JAZF1: variants seen among roughly 807,000 people sequenced by gnomAD.
JAZF1 encodes JAZF zinc finger 1.
Under a neutral mutation model 26.4 loss-of-function variants are expected in JAZF1, and 8 were observed. That is an observed-to-expected ratio of 0.30 (90% CI 0.18 to 0.55). The LOEUF (loss-of-function observed/expected upper bound fraction) is 0.55. Ranked by LOEUF, JAZF1 falls within the 20% of genes least tolerant of loss-of-function variation. JAZF1 has a pLI of 0.94. For synonymous variants in JAZF1, 126 were observed against 122.3 expected, an observed-to-expected ratio of 1.03 and a Z score of -0.20; for missense variants, 199 against 322.0, an observed-to-expected ratio of 0.62 and a Z score of 2.92.
At chr7:28,120,947 C>G (rs1479546262) in intron 1 of JAZF1, among the ~76,000 whole-genome samples, 1 of 152,100 alleles carries the variant, frequency 6.6e-6, no homozygotes, top group Admixed American at 6.6e-5. Flanking sequence ...CACCTGTAAT[C>G]CCAGTACTTT....
intron 1 of JAZF1, among the ~76,000 whole-genome samples, chr7:28,017,484 G>A (rs17156196): frequency 0.047 from 7,101 of 152,024 alleles, 266 homozygotes; most frequent in African/African-American, 0.098. Flanking sequence ...TACTGTCGCC[G>A]TTCAACCAAT....
chr7:27,982,781 G>A (rs1399661226), intron 2 of JAZF1, among the ~76,000 whole-genome samples: 2 of 152,160 alleles, frequency 1.3e-5, no homozygotes, highest in Non-Finnish European at 2.9e-5. Context: ...CTGTCGTCCT[G>A]CAATATTTGC....
intron 4 of JAZF1, among the ~76,000 whole-genome samples, chr7:27,834,555 C>G (rs1782769357): frequency 6.6e-6 from 1 of 152,232 alleles, no homozygotes; most frequent in South Asian, 2.1e-4. Context: ...TAAGGTACTT[C>G]AGTCTTGTTA....
intron 3 of JAZF1, among the ~76,000 whole-genome samples, chr7:27,889,586 T>C (rs951436581): frequency 6.6e-6 from 1 of 152,230 alleles, no homozygotes; most frequent in African/African-American, 2.4e-5. Flanking sequence ...TTCATCTTCC[T>C]ATCATATTAA....
intron 1 of JAZF1, among the ~76,000 whole-genome samples, chr7:28,021,039 G>A (rs1207276233): frequency 6.6e-6 from 1 of 152,168 alleles, no homozygotes; most frequent in Admixed American, 6.5e-5. Context: ...ATCCCAGATG[G>A]TCCTGAGTGC....
chr7:28,049,050 C>A (rs1181688604), intron 1 of JAZF1, among the ~76,000 whole-genome samples: 1 of 115,872 alleles, frequency 8.6e-6, no homozygotes, highest in African/African-American at 3.5e-5. Context: ...CCCTCCCTCC[C>A]CTCCCCTCCC....
intron 2 of JAZF1, among the ~76,000 whole-genome samples, chr7:27,976,815 G>A (rs1468380185): frequency 6.6e-6 from 1 of 152,128 alleles, no homozygotes; most frequent in Admixed American, 6.5e-5. Flanking sequence ...TTTTTATGAG[G>A]CTATGGCTGA....
intron 2 of JAZF1, among the ~76,000 whole-genome samples, chr7:27,923,999 A>C (rs1784572951): frequency 6.6e-6 from 1 of 152,178 alleles, no homozygotes; most frequent in Non-Finnish European, 1.5e-5. Context: ...AAGAAATGCC[A>C]CCTTTACTGT....
At chr7:28,075,185 G>T (rs1784031901) in intron 1 of JAZF1, among the ~76,000 whole-genome samples, 1 of 152,126 alleles carries the variant, frequency 6.6e-6, no homozygotes, top group Non-Finnish European at 1.5e-5. Context: ...TATAAAGTAA[G>T]TGTAACAGCA....
chr7:28,122,770 T>G (rs1782625851), intron 1 of JAZF1, among the ~76,000 whole-genome samples: 2 of 152,122 alleles, frequency 1.3e-5, no homozygotes, highest in Admixed American at 1.3e-4. Context: ...CTCTATGTAA[T>G]GAGCCCCTCC....
chr7:27,884,677 T>C (rs1783828361), intron 3 of JAZF1, among the ~76,000 whole-genome samples: 1 of 152,236 alleles, frequency 6.6e-6, no homozygotes, highest in Non-Finnish European at 1.5e-5. Flanking sequence ...ATTTGTTGTG[T>C]GTGTATCAGT....
chr7:27,845,579 C>A (rs896343013), intron 3 of JAZF1, among the ~76,000 whole-genome samples: 2 of 151,694 alleles, frequency 1.3e-5, no homozygotes, highest in Admixed American at 6.6e-5. Context: ...AGCCTGTAAT[C>A]CCAGCTACTC....
At chr7:27,944,189 C>T (rs1394299879) in intron 2 of JAZF1, among the ~76,000 whole-genome samples, 1 of 152,196 alleles carries the variant, frequency 6.6e-6, no homozygotes, top group East Asian at 1.9e-4. Flanking sequence ...TCTTGCCGAA[C>T]CCTTTAGCAA....
chr7:27,857,674 CTT>C (rs1411938406), intron 3 of JAZF1, among the ~76,000 whole-genome samples: 1 of 152,228 alleles, frequency 6.6e-6, no homozygotes, highest in African/African-American at 2.4e-5. Context: ...CAGAAAAGGA[CTT>C]TGACAAAATT....
At chr7:28,065,862 T>A (rs1429151595) in intron 1 of JAZF1, among the ~76,000 whole-genome samples, 2 of 152,132 alleles carry the variant, frequency 1.3e-5, no homozygotes, top group Non-Finnish European at 2.9e-5. Context: ...ATTTTTCCTT[T>A]CCCAAACAGT....
intron 3 of JAZF1, among the ~76,000 whole-genome samples, chr7:27,856,851 A>G (rs542346239): frequency 6.6e-6 from 1 of 152,268 alleles, no homozygotes; most frequent in South Asian, 2.1e-4. Flanking sequence ...GCATTCACAA[A>G]CCCTGAGCTA....
At chr7:28,025,627 T>C (rs925996529) in intron 1 of JAZF1, among the ~76,000 whole-genome samples, 1 of 152,234 alleles carries the variant, frequency 6.6e-6, no homozygotes. Context: ...CTACAGAAGA[T>C]TGGTCAAGAA....
At chr7:28,028,260 G>A (rs958288026) in intron 1 of JAZF1, among the ~76,000 whole-genome samples, 4 of 152,142 alleles carry the variant, frequency 2.6e-5, no homozygotes, top group African/African-American at 9.7e-5. Context: ...AAGAGTTCAG[G>A]TAGGCTTGAA....
intron 2 of JAZF1, among the ~76,000 whole-genome samples, chr7:27,991,143 A>C (rs1785894375): frequency 6.6e-6 from 1 of 151,842 alleles, no homozygotes; most frequent in South Asian, 2.1e-4. Flanking sequence ...GACTAAAAAC[A>C]CTCCTCACCT....
Sources: gnomAD v4.1 joint callset for allele counts (sites outside exome capture counted in the v4.1 genomes callset) on GRCh38, gnomAD v4.1.1 for gene constraint, MANE v1.5 for transcripts, NCBI Gene and HGNC (gene_info 2026-07-23, HGNC 2026-07-21) for gene names.